GPHN: variants seen among roughly 807,000 people sequenced by gnomAD.
GPHN encodes gephyrin.
GPHN carries 17 observed loss-of-function variants against 95.5 expected under a neutral mutation model. That is an observed-to-expected ratio of 0.18 (90% CI 0.12 to 0.27). GPHN has a LOEUF of 0.27. Among genes scored for constraint, GPHN ranks in the 10% least tolerant of loss-of-function variants. The pLI, the probability that GPHN is intolerant of heterozygous loss-of-function variation, is 1.00. For synonymous variants in GPHN, 320 were observed against 322.5 expected, an observed-to-expected ratio of 0.99 and a Z score of 0.08; for missense variants, 660 against 978.1, an observed-to-expected ratio of 0.67 and a Z score of 4.34.
intron 21 of GPHN, among the ~76,000 whole-genome samples, chr14:67,174,229 C>G (rs1228735308): frequency 6.7e-6 from 1 of 149,820 alleles, no homozygotes; most frequent in Non-Finnish European, 1.5e-5. Flanking sequence ...CCCAGCCCCC[C>G]ACCCCACAAC....
At chr14:67,525,433 T>C in the GPHN span, among the ~76,000 whole-genome samples, 1 of 152,268 alleles carries the variant, frequency 6.6e-6, no homozygotes, top group Non-Finnish European at 1.5e-5. Context: ...TTACTAGTCC[T>C]AATTGACGGA....
chr14:67,341,566 G>A, the GPHN span, among the ~76,000 whole-genome samples: 5 of 150,324 alleles, frequency 3.3e-5, no homozygotes, highest in Non-Finnish European at 5.9e-5. Flanking sequence ...GGAGGTGGGG[G>A]GGTCAGCCCC....
chr14:67,474,271 A>AAAC, the GPHN span, among the ~76,000 whole-genome samples: 1 of 151,578 alleles, frequency 6.6e-6, no homozygotes, highest in Non-Finnish European at 1.5e-5. Context: ...AAAACAAAAA[A>AAAC]AAAACAGAGC....
the GPHN span, among the ~76,000 whole-genome samples, chr14:67,557,754 C>T: frequency 6.6e-6 from 1 of 152,218 alleles, no homozygotes; most frequent in Non-Finnish European, 1.5e-5. Context: ...GGTGGAAACA[C>T]CTCATAGAGC....
At chr14:67,382,322 G>A in the GPHN span, 3 of 804,406 alleles carry the variant, frequency 3.7e-6, no homozygotes, top group Non-Finnish European at 5.7e-6. Context: ...TTACTGTCCT[G>A]TAGAATTGGC....
At chr14:66,674,351 G>A (rs1035016094) in intron 1 of GPHN, among the ~76,000 whole-genome samples, 7 of 151,980 alleles carry the variant, frequency 4.6e-5, no homozygotes, top group African/African-American at 1.2e-4. Context: ...ACCCGCCTCA[G>A]CCTCCCAAAG....
At chr14:66,961,914 A>G (rs1263570458) in intron 8 of GPHN, among the ~76,000 whole-genome samples, 7 of 62,018 alleles carry the variant, frequency 1.1e-4, no homozygotes, top group African/African-American at 3.7e-4. Flanking sequence ...ATATATATAT[A>G]TATATATATA....
chr14:66,701,656 C>G (rs1459983214), intron 2 of GPHN, among the ~76,000 whole-genome samples: 1 of 152,210 alleles, frequency 6.6e-6, no homozygotes, highest in African/African-American at 2.4e-5. Flanking sequence ...AACTGTGCCA[C>G]CCATGGATCA....
intron 4 of GPHN, chr14:66,842,664 T>C: frequency 6.5e-7 from 1 of 1,533,352 alleles, no homozygotes; most frequent in Non-Finnish European, 8.7e-7. Flanking sequence ...TTCTCTTCTG[T>C]TTTTCTGCTG....
At chr14:67,345,328 G>A in the GPHN span, among the ~76,000 whole-genome samples, 2 of 152,128 alleles carry the variant, frequency 1.3e-5, no homozygotes, top group Admixed American at 6.5e-5. Context: ...AGGCCGAGGC[G>A]GGTGGATCAC....
In GPHN at chr14:67,159,527, T is replaced by C. The variant is rs746748154; in HGVS notation, c.1910+39T>C. 11 of 1,165,666 alleles carry C rather than the reference T, an allele frequency of 9.4e-6. No homozygotes were observed. The African/African-American group carries it at 1.1e-4, about 11-fold the overall frequency. 72.2% of individuals were successfully genotyped at this position (1,165,666 alleles called of 1,614,324 possible). A position where few individuals can be genotyped will look rare whatever the true frequency, so the allele number is the denominator to read the frequency against. On this transcript the variant is annotated intron_variant, in intron 19 of 22. Coordinates refer to ENST00000478722, the MANE Select transcript of GPHN (RefSeq NM_020806.5). The stretch of plus-strand genomic sequence containing the variant: ...CTTGTTATCTCATATATGGGGTTGG[T>C]TTGGCTTGCTTTAACTAACAAATTT...
chr14:67,722,588 TG>T, the GPHN span: 2 of 1,469,362 alleles, frequency 1.4e-6, no homozygotes, highest in Non-Finnish European at 1.9e-6. Flanking sequence ...GAGCCAGAGC[TG>T]GGGTTGAAGC....
At chr14:67,180,637 A>G (rs1394361337) in intron 22 of GPHN, among the ~76,000 whole-genome samples, 167 bp from the exon 23 acceptor site, 2 of 152,230 alleles carry the variant, frequency 1.3e-5, no homozygotes, top group African/African-American at 2.4e-5. Context: ...AGAAGGTGGT[A>G]GGATATAATA....
At chr14:67,305,496 G>C in the GPHN span, among the ~76,000 whole-genome samples, 1 of 152,160 alleles carries the variant, frequency 6.6e-6, no homozygotes, top group Non-Finnish European at 1.5e-5. Flanking sequence ...GCCCAGGCTA[G>C]TCTCGAACTC....
intron 2 of GPHN, among the ~76,000 whole-genome samples, chr14:66,688,917 G>T (rs1321196287): frequency 6.6e-6 from 1 of 151,646 alleles, no homozygotes; most frequent in Non-Finnish European, 1.5e-5. Flanking sequence ...CCTGTCGGGG[G>T]GTGGGGGGCT....
chr14:67,114,271 A>G (rs2078546602), intron 16 of GPHN, among the ~76,000 whole-genome samples: 1 of 152,212 alleles, frequency 6.6e-6, no homozygotes, highest in African/African-American at 2.4e-5. Context: ...ACCAAATAAC[A>G]CTATATATAG....
At chr14:67,356,192 G>A in the GPHN span, among the ~76,000 whole-genome samples, 1 of 152,116 alleles carries the variant, frequency 6.6e-6, no homozygotes, top group Non-Finnish European at 1.5e-5. Flanking sequence ...GGCCGAGGCA[G>A]GTGGATAACT....
intron 5 of GPHN, among the ~76,000 whole-genome samples, chr14:66,895,639 T>A (rs1417950331): frequency 6.6e-6 from 1 of 152,070 alleles, no homozygotes; most frequent in Non-Finnish European, 1.5e-5. Flanking sequence ...AAAATAACAT[T>A]TAATCAAGAA....
At chr14:66,705,187 A>C (rs1427429658) in intron 2 of GPHN, among the ~76,000 whole-genome samples, 1 of 152,170 alleles carries the variant, frequency 6.6e-6, no homozygotes, top group Non-Finnish European at 1.5e-5. Flanking sequence ...CATACTAACC[A>C]AAAAAAGCCC....
Sources: allele counts gnomAD v4.1 joint callset (sites outside exome capture counted in the v4.1 genomes callset), GRCh38; gene constraint gnomAD v4.1.1; transcripts MANE v1.5; gene names NCBI Gene and HGNC (gene_info 2026-07-23, HGNC 2026-07-21).